BET1: variants seen among roughly 807,000 people sequenced by gnomAD.
The protein encoded by BET1 is Bet1 golgi vesicular membrane trafficking protein, also known as BET1 homolog.
BET1 carries 9 observed loss-of-function variants against 13.9 expected under a neutral mutation model. The ratio of observed to expected loss-of-function variants is 0.65; its 90% CI spans 0.39 to 1.13. The LOEUF is 1.13. BET1 is among the 50% of genes most tolerant of loss of function. The pLI, the probability that BET1 is intolerant of heterozygous loss-of-function variation, is 0.01. For missense variants in BET1, 127 were observed against 133.6 expected, an observed-to-expected ratio of 0.95 and a Z score of 0.24; for synonymous variants, 39 against 47.3, an observed-to-expected ratio of 0.82 and a Z score of 0.72.
At chr7:93,997,124 A>T (rs1795788622) in intron 2 of BET1, among the ~76,000 whole-genome samples, 1 of 152,156 alleles carries the variant, frequency 6.6e-6, no homozygotes, top group African/African-American at 2.4e-5. Context: ...AATCTATCTA[A>T]TACTTTATAG....
chr7:93,993,911 C>A lies in BET1; in HGVS notation c.*319G>T, dbSNP rs183070347. 30 of 1,535,676 alleles carry A rather than the reference C, an allele frequency of 2.0e-5. No homozygotes were observed. The highest frequency in any genetic ancestry group is 2.6e-5 in the Non-Finnish European group (30 of 1,146,700). On this transcript the variant is annotated 3_prime_UTR_variant, in exon 4 of 4. Coordinates refer to ENST00000222547, the MANE Select transcript of BET1 (RefSeq NM_005868.6). Reference sequence around the variant, plus strand: ...AAGTTTCCTTACATGGGACATAAACCTGCATTTATGATTACAACAAAATAT... The same window carrying A: ...AAGTTTCCTTACATGGGACATAAACATGCATTTATGATTACAACAAAATAT...
intron 6 of BET1, among the ~76,000 whole-genome samples, chr7:93,966,710 A>G (rs1213236816): frequency 6.6e-6 from 1 of 151,572 alleles, no homozygotes; most frequent in Non-Finnish European, 1.5e-5. Context: ...AGGGTATGGT[A>G]TATTAGTATG....
At chr7:93,978,709 A>C (rs897917005) in intron 4 of BET1, among the ~76,000 whole-genome samples, 3 of 152,204 alleles carry the variant, frequency 2.0e-5, no homozygotes, top group East Asian at 3.8e-4. Flanking sequence ...GTAATATGCA[A>C]ACTTACATCA....
chr7:93,969,991 T>C lies in BET1; in HGVS notation c.*137+2584A>G, dbSNP rs185967091. Among the ~76,000 whole-genome samples, 537 of 151,958 alleles carry C rather than the reference T, an allele frequency of 3.5e-3. 8 individuals are homozygous for C. The highest frequency in any genetic ancestry group is 8.4e-4 in the Non-Finnish European group (57 of 67,826). On this transcript the variant is annotated intron_variant and NMD_transcript_variant, in intron 6 of 6. Transcript: ENST00000357520. ...TTTATTAATTTGATGAATTTCTATATGCCTTTTTTGGTCTTCACAGAGAGA... is the reference window on the plus strand; with the variant it reads ...TTTATTAATTTGATGAATTTCTATACGCCTTTTTTGGTCTTCACAGAGAGA...
exon 7 of BET1, chr7:93,963,902 C>T (rs939881705): frequency 1.3e-5 from 2 of 151,922 alleles, no homozygotes; most frequent in Non-Finnish European, 1.5e-5. Context: ...CCCGTCTCTA[C>T]TAAAAATACA....
chr7:94,003,339 CTT>C (rs1043332920), intron 1 of BET1, among the ~76,000 whole-genome samples: 4 of 151,702 alleles, frequency 2.6e-5, no homozygotes, highest in African/African-American at 9.7e-5. Flanking sequence ...ATATCTGACA[CTT>C]TGGGGATTTT....
intron 6 of BET1, among the ~76,000 whole-genome samples, chr7:93,970,209 C>G (rs1795238606): frequency 6.6e-6 from 1 of 151,692 alleles, no homozygotes. Context: ...TTCACCAAGA[C>G]CTTTGTTTAA....
Position 94,004,282 on chromosome 7 carries a change from G to C in BET1, c.-66C>G. On this transcript the variant is annotated 5_prime_UTR_variant, in exon 1 of 4. Coordinates refer to ENST00000222547, the MANE Select transcript of BET1 (RefSeq NM_005868.6). ...GGGTGAGTAGGAAACAGCTAGGGGC[G>C]ACCCGGACCGCGTCTTCAGTACCAG... The C allele has an allele frequency of 6.2e-7, 1 of 1,606,570 alleles. No homozygotes were observed. The highest frequency in any genetic ancestry group is 8.5e-7 in the Non-Finnish European group (1 of 1,173,408).
intron 6 of BET1, chr7:93,972,383 T>C (rs1795270838): frequency 6.6e-6 from 1 of 151,928 alleles, no homozygotes; most frequent in Admixed American, 6.6e-5. Context: ...GCCACGCATC[T>C]TGACACAAAT....
At chr7:94,000,363 TC>T (rs1384945986) in intron 1 of BET1, 1 of 151,946 alleles carries the variant, frequency 6.6e-6, no homozygotes, top group African/African-American at 2.4e-5. Flanking sequence ...TCCATCCGCC[TC>T]GGCCCCCCAA....
intron 4 of BET1, among the ~76,000 whole-genome samples, chr7:93,981,387 T>C (rs1459256309): frequency 6.6e-6 from 1 of 152,188 alleles, no homozygotes; most frequent in African/African-American, 2.4e-5. Flanking sequence ...GGGTTGTCTA[T>C]GAATTCTTAT....
chr7:93,976,352 G>GTGTA (rs1365149030), intron 4 of BET1, among the ~76,000 whole-genome samples: 3 of 149,238 alleles, frequency 2.0e-5, no homozygotes, highest in Non-Finnish European at 4.5e-5. Flanking sequence ...TATTGTGTGT[G>GTGTA]TGTGTGTGTG....
downstream of BET1, among the ~76,000 whole-genome samples, chr7:93,989,360 T>A (rs1452410617): frequency 6.6e-6 from 1 of 152,132 alleles, no homozygotes; most frequent in South Asian, 2.1e-4. Context: ...ATTAGAATGC[T>A]GTTATTCTAT....
chr7:94,000,441 G>A (rs1269732379), intron 1 of BET1: 1 of 152,026 alleles, frequency 6.6e-6, no homozygotes, highest in South Asian at 2.1e-4. Context: ...CTCAGTAAAG[G>A]GAGAAAACGG....
downstream of BET1, chr7:93,992,490 A>G (rs1795656504): frequency 1.0e-6 from 1 of 985,050 alleles, no homozygotes; most frequent in African/African-American, 1.7e-5. Context: ...TCACAACTTT[A>G]ATTATTGACA....
At chr7:93,993,184 T>C (rs1795675729), downstream of BET1, 38 of 985,236 alleles carry the variant, frequency 3.9e-5, no homozygotes, top group Non-Finnish European at 4.6e-5. Flanking sequence ...GGTTGGAATC[T>C]GAGTTGTCAG....
intron 6 of BET1, among the ~76,000 whole-genome samples, chr7:93,965,962 T>A (rs1584120101): frequency 6.6e-6 from 1 of 151,986 alleles, no homozygotes; most frequent in African/African-American, 2.4e-5. Flanking sequence ...AGTAGACTGC[T>A]CCCACCACTC....
chr7:93,995,936 C>T (rs143376889), intron 3 of BET1: 33 of 366,514 alleles, frequency 9.0e-5, no homozygotes, highest in African/African-American at 6.7e-4. Flanking sequence ...CTTTTGATTG[C>T]TTGGTTAATA....
At chr7:93,999,590 G>A (rs1795850260) in intron 1 of BET1, 2 of 471,574 alleles carry the variant, frequency 4.2e-6, no homozygotes, top group Admixed American at 2.4e-5. Context: ...AGAATATTCA[G>A]GATACATTCC....
Sources: allele counts gnomAD v4.1 joint callset (sites outside exome capture counted in the v4.1 genomes callset), GRCh38; gene constraint gnomAD v4.1.1; transcripts MANE v1.5; gene names NCBI Gene and HGNC (gene_info 2026-07-23, HGNC 2026-07-21).